The following NSD2 variants were observed in gnomAD, a reference collection of about 807,000 sequenced individuals.
NSD2 encodes histone-lysine N-methyltransferase NSD2.
A neutral mutation model predicts 139.0 loss-of-function variants in NSD2; 12 were observed. The observed-to-expected ratio is 0.09, with a 90% CI of 0.06 to 0.14. The LOEUF (loss-of-function observed/expected upper bound fraction) is 0.14. Among genes scored for constraint, NSD2 ranks in the 10% least tolerant of loss-of-function variants. The pLI is 1.00. For missense variants in NSD2, 1,155 were observed against 1,745.0 expected, an observed-to-expected ratio of 0.66 and a Z score of 6.02; for synonymous variants, 669 against 648.7, an observed-to-expected ratio of 1.03 and a Z score of -0.48.
At chr4:1,890,194 AT>A (rs1302126246) in intron 1 of NSD2, among the ~76,000 whole-genome samples, 1 of 152,150 alleles carries the variant, frequency 6.6e-6, no homozygotes, top group Non-Finnish European at 1.5e-5. Context: ...TGGATAGATC[AT>A]TTTGTTCAAC....
chr4:1,973,451 C>T lies in NSD2; in HGVS notation c.3373-1412C>T, dbSNP rs895711902. 7.9e-5 allele frequency among the ~76,000 whole-genome samples: 12 copies of T among 152,220 alleles called. No individual in the cohort carries two copies. The highest frequency in any genetic ancestry group is 2.1e-4 in the South Asian group (1 of 4,832). ...TGCATGCCAACGTGCACATCAGCAC[C>T]GCGGCTCAGCGCGTCATGACAAAGC... is the stretch of plus-strand genomic sequence containing the variant. On this transcript the variant is annotated intron_variant, in intron 18 of 21. Coordinates refer to ENST00000508803, the MANE Select transcript of NSD2 (RefSeq NM_001042424.3). This position sits in a 1 kb window ranked among gnomAD's most constrained non-coding sequence, Gnocchi z 5.5.
chr4:1,925,345 T>C (rs554908433), intron 5 of NSD2, among the ~76,000 whole-genome samples: 1 of 152,084 alleles, frequency 6.6e-6, no homozygotes, highest in South Asian at 2.1e-4. Flanking sequence ...CAGGACTTTT[T>C]GTTGCTACTT....
chr4:1,971,257 A>T (rs563820340), intron 18 of NSD2, among the ~76,000 whole-genome samples: 3 of 152,284 alleles, frequency 2.0e-5, no homozygotes, highest in Admixed American at 6.5e-5. Context: ...TTGTTCTCAG[A>T]CAAGGCAGAA....
At chr4:1,930,924 A>T (rs1721558236) in intron 6 of NSD2, among the ~76,000 whole-genome samples, 154 bp downstream of exon 6, 2 of 152,132 alleles carry the variant, frequency 1.3e-5, no homozygotes. Context: ...GTGTGGTCAC[A>T]GTAAAAACAG....
rs1379815742 is a variant in NSD2 at position 1,974,717 on chromosome 4, T to C, written c.3373-146T>C. 1 of 1,139,452 alleles carries C rather than the reference T, an allele frequency of 8.8e-7. No homozygotes were observed. The highest frequency in any genetic ancestry group is 1.3e-6 in the Non-Finnish European group (1 of 759,602). 70.6% of individuals were successfully genotyped at this position (1,139,452 alleles called of 1,614,324 possible). On this transcript the variant is annotated intron_variant, in intron 18 of 21. Transcript: ENST00000508803. This position sits in a 1 kb window ranked among gnomAD's most constrained non-coding sequence, Gnocchi z 4.0. ...GAGAAACAGGACTGGTTTGGGGGTG[T>C]CCTGTCTCAGTGGACACAGGACACC...
intron 1 of NSD2, among the ~76,000 whole-genome samples, chr4:1,873,372 C>T (rs559266523): frequency 6.6e-6 from 1 of 152,244 alleles, no homozygotes; most frequent in African/African-American, 2.4e-5. Context: ...CGTATCTATT[C>T]GTATGTAACA....
chr4:1,879,575 G>C (rs1367613374), intron 1 of NSD2, among the ~76,000 whole-genome samples: 3 of 152,102 alleles, frequency 2.0e-5, no homozygotes, highest in East Asian at 3.8e-4. Flanking sequence ...TCTGGCCAGT[G>C]ATCCTGCCTG....
intron 5 of NSD2, among the ~76,000 whole-genome samples, chr4:1,921,434 G>C (rs988662214): frequency 6.6e-6 from 1 of 151,968 alleles, no homozygotes; most frequent in African/African-American, 2.4e-5. Flanking sequence ...ACTCCAGCCT[G>C]GCGACAGAGC....
At chr4:1,967,390 C>T (rs1327641304) in intron 18 of NSD2, among the ~76,000 whole-genome samples, 1 of 152,208 alleles carries the variant, frequency 6.6e-6, no homozygotes, top group East Asian at 1.9e-4. Flanking sequence ...CCAGCCTGGC[C>T]AATATGGTGA....
intron 5 of NSD2, among the ~76,000 whole-genome samples, chr4:1,921,138 A>G (rs1441577094): frequency 6.6e-6 from 1 of 152,306 alleles, no homozygotes; most frequent in Middle Eastern, 3.4e-3. Flanking sequence ...GCTTTCATCA[A>G]GGATATTACA....
chr4:1,947,373 C>T (rs1392249517), intron 9 of NSD2: 2 of 1,061,466 alleles, frequency 1.9e-6, no homozygotes, highest in Non-Finnish European at 2.3e-6. Flanking sequence ...TACACAAAAG[C>T]CTGTGCAGGT....
chr4:1,935,064 C>T, intron 6 of NSD2, 80 bp from the exon 7 acceptor site: 1 of 1,082,636 alleles, frequency 9.2e-7, no homozygotes, highest in South Asian at 1.5e-5. Context: ...TGTTGAATGC[C>T]CTGGGTAGGT....
chr4:1,981,854 T>TAGTC lies in NSD2; in HGVS notation c.*2949_*2952dup, dbSNP rs1360412706. On this transcript the variant is annotated 3_prime_UTR_variant, in exon 22 of 22. Coordinates refer to ENST00000508803, the MANE Select transcript of NSD2 (RefSeq NM_001042424.3). ...ATGAGTGTAGTTGATGACTGTTTGT[T>TAGTC]AGTCAGTAGAGTAAAATGCTGTGTC... 5.0e-6 allele frequency: 2 copies of TAGTC among 398,332 alleles called. No homozygotes were observed. The highest frequency in any genetic ancestry group is 8.8e-5 in the Admixed American group (2 of 22,720). The allele number at this position is 398,332 out of a possible 1,614,324, so 24.7% of individuals were successfully genotyped here. A position where few individuals can be genotyped will look rare whatever the true frequency, so the allele number is the denominator to read the frequency against.
At chr4:1,934,420 G>C (rs892404034) in intron 6 of NSD2, among the ~76,000 whole-genome samples, 10 of 151,696 alleles carry the variant, frequency 6.6e-5, no homozygotes, top group African/African-American at 2.4e-4. Context: ...GGGCTATCAG[G>C]AGGCAGAGGT....
intron 18 of NSD2, among the ~76,000 whole-genome samples, chr4:1,961,812 C>T (rs1388234657): frequency 6.6e-6 from 1 of 152,222 alleles, no homozygotes; most frequent in Non-Finnish European, 1.5e-5. Context: ...TCCCTTCCCT[C>T]ACACGGCAGG....
At chr4:1,944,180 G>A in intron 9 of NSD2, 1 of 1,066,256 alleles carries the variant, frequency 9.4e-7, no homozygotes, top group Admixed American at 5.3e-5. Context: ...TCCCATGTGT[G>A]GCAGCATTGT....
chr4:1,918,618 G>A lies in NSD2; in HGVS notation c.1405G>A (p.Asp469Asn), dbSNP rs772894930. The A allele has an allele frequency of 1.9e-6, 3 of 1,613,510 alleles. No homozygotes were observed. The highest frequency in any genetic ancestry group is 2.2e-5 in the South Asian group (2 of 91,054). The change falls in exon 5 of 22, where the codon GAT becomes AAT. Residue 469 changes from aspartate (D) to asparagine (N), a missense_variant. Around this residue, in one of 8 missense-constraint regions of NSD2, gnomAD observed 420 missense variants for 469.0 expected, o/e 0.90. Coordinates refer to ENST00000508803, the MANE Select transcript of NSD2 (RefSeq NM_001042424.3). ...TTTGGTCTTCTGTCAAAAACACAGG[G>A]ATGAGGTCAGTACTAAGTTGTGTTT... ...QFLVFCQKHR[D>N]EVVAEHPDAS...
rs1451236289 is a variant in NSD2, at chr4:1,918,248, C to G, written c.1035C>G (p.Thr345=). 1 of 1,613,822 alleles carries G rather than the reference C, an allele frequency of 6.2e-7. No homozygotes were observed. Among genetic ancestry groups the G allele is most frequent in the Admixed American group, 1.7e-5 (1 of 59,956 alleles). Residue 345 remains threonine (T), a synonymous_variant, in exon 5 of 22, where the codon ACC becomes ACG. Transcript: ENST00000508803. ...TGGAGGAGCGGAAAGCCAAGTTCAC[C>G]TTTCTCTATGTGGGGGACCAGCTTC... ...MSVEERKAKF[T]FLYVGDQLHL...
intron 9 of NSD2, chr4:1,944,570 A>G: frequency 1.3e-5 from 14 of 1,064,502 alleles, no homozygotes; most frequent in Non-Finnish European, 1.6e-5. Context: ...TGAGGCATTC[A>G]CTAGAGGTGA....
Sources: gnomAD v4.1 joint callset for allele counts (sites outside exome capture counted in the v4.1 genomes callset) on GRCh38, gnomAD v4.1.1 for gene constraint, gnomAD v4.1.1 regional missense constraint, Gnocchi (gnomAD v3.1) non-coding constraint, MANE v1.5 for transcripts, NCBI Gene and HGNC (gene_info 2026-07-23, HGNC 2026-07-21) for gene names.